CCDC77: variants seen among roughly 807,000 people sequenced by gnomAD.
CCDC77 encodes the protein coiled-coil domain containing 77.
In CCDC77, 56 loss-of-function variants were observed where a neutral mutation model predicts 66.8. That is an observed-to-expected ratio of 0.84 (90% CI 0.68 to 1.05). CCDC77 has a LOEUF of 1.05. Ranked by LOEUF, CCDC77 falls within the 50% of genes least tolerant of loss-of-function variation. CCDC77 has a pLI of 0.00. For synonymous variants in CCDC77, 196 were observed against 195.2 expected (o/e 1.00, Z -0.03); for missense variants, 570 against 576.8 (o/e 0.99, Z 0.12).
chr12:438,773 T>C (rs1945803046), intron 10 of CCDC77, among the ~76,000 whole-genome samples: 1 of 152,092 alleles, frequency 6.6e-6, no homozygotes, highest in East Asian at 1.9e-4. Context: ...TCAACAAATA[T>C]TTATTGTACT....
At chr12:428,435 C>CAG (rs1555146143) in intron 5 of CCDC77, among the ~76,000 whole-genome samples, 2 of 148,210 alleles carry the variant, frequency 1.3e-5, no homozygotes, top group Non-Finnish European at 3.0e-5. Flanking sequence ...GGCGTGAACC[C>CAG]GGCAGGCGGA....
At chr12:417,956 A>G (rs1175298750) in intron 4 of CCDC77, among the ~76,000 whole-genome samples, 1 of 152,054 alleles carries the variant, frequency 6.6e-6, no homozygotes, top group Non-Finnish European at 1.5e-5. Context: ...TGGATTCTAT[A>G]GTCTGTAAAA....
intron 1 of CCDC77, among the ~76,000 whole-genome samples, chr12:396,000 G>C (rs1944824226): frequency 6.6e-6 from 1 of 152,180 alleles, no homozygotes; most frequent in African/African-American, 2.4e-5. Context: ...AGGATTGCTT[G>C]AGCCCAGGGG....
At chr12:418,414 G>A (rs549313028) in intron 4 of CCDC77, 80 bp from the exon 5 acceptor site, 2 of 1,376,444 alleles carry the variant, frequency 1.5e-6, no homozygotes, top group Non-Finnish European at 1.0e-6. Context: ...TTCTACATGA[G>A]TAGACTCCTC....
At chr12:392,931 G>A (rs1414642502) in intron 1 of CCDC77, among the ~76,000 whole-genome samples, 1 of 151,556 alleles carries the variant, frequency 6.6e-6, no homozygotes, top group African/African-American at 2.4e-5. Context: ...AAAATCTGGT[G>A]AGAAGAGTGG....
chr12:415,136 A>G (rs1945200405), intron 4 of CCDC77, among the ~76,000 whole-genome samples: 1 of 152,016 alleles, frequency 6.6e-6, no homozygotes, highest in Non-Finnish European at 1.5e-5. Context: ...ACTGGGACAC[A>G]GTGTGAGCCA....
intron 8 of CCDC77, 29 bp downstream of exon 8, chr12:431,983 T>A: frequency 6.9e-7 from 1 of 1,441,306 alleles, no homozygotes. Flanking sequence ...CAGACCAAGA[T>A]GGCTTTTATC....
rs1945841224 is a variant in CCDC77, at chr12:440,663, A to T, written c.1088A>T (p.Tyr363Phe). 3 of 1,614,206 alleles carry T rather than the reference A, an allele frequency of 1.9e-6. No homozygotes were observed. The highest frequency in any genetic ancestry group is 2.5e-6 in the Non-Finnish European group (3 of 1,180,028). Residue 363 changes from tyrosine (Y) to phenylalanine (F), a missense_variant, in exon 11 of 13, where the codon TAC becomes TTC. Physicochemically the swap from Tyr to Phe is conservative, Grantham distance 22. Coordinates refer to ENST00000239830, the MANE Select transcript of CCDC77 (RefSeq NM_032358.4). ...LVQEKKLSNM[Y>F]QEQCISLEEE... ...CAAGAGAAAAAGCTGTCCAATATGT[A>T]CCAAGAGCAGTGCATTTCCTTAGAA... is the stretch of plus-strand genomic sequence containing the variant.
At chr12:429,593 G>A (rs1347906527) in intron 6 of CCDC77, among the ~76,000 whole-genome samples, 1 of 151,712 alleles carries the variant, frequency 6.6e-6, no homozygotes, top group Admixed American at 6.6e-5. Flanking sequence ...CAAGCAGCTG[G>A]GACTACAGGT....
At chr12:415,740 C>T (rs1040955497) in intron 4 of CCDC77, among the ~76,000 whole-genome samples, 29 of 151,920 alleles carry the variant, frequency 1.9e-4, no homozygotes, top group Non-Finnish European at 2.9e-5. Context: ...TCAAGCAATC[C>T]GCCTGCCTCA....
chr12:411,706 T>G, intron 3 of CCDC77, 41 bp from the exon 4 acceptor site: 4 of 1,510,380 alleles, frequency 2.6e-6, no homozygotes, highest in Non-Finnish European at 3.6e-6. Context: ...TCATAAACTT[T>G]CGCAGAGTGT....
chr12:410,629 C>T (rs2137547257), intron 3 of CCDC77, among the ~76,000 whole-genome samples: 1 of 146,302 alleles, frequency 6.8e-6, no homozygotes, highest in South Asian at 2.2e-4. Context: ...GGCACTTGAA[C>T]CTGCCTCCTG....
chr12:404,189 GCCTGTAAT>G (rs1944950795), intron 1 of CCDC77, among the ~76,000 whole-genome samples: 1 of 152,220 alleles, frequency 6.6e-6, no homozygotes, highest in East Asian at 1.9e-4. Context: ...AGTGGCAGGT[GCCTGTAAT>G]CCCAGCCACT....
At chr12:404,641 T>C (rs1426586366) in intron 1 of CCDC77, among the ~76,000 whole-genome samples, 1 of 151,836 alleles carries the variant, frequency 6.6e-6, no homozygotes, top group East Asian at 1.9e-4. Flanking sequence ...TTCGTAGACA[T>C]GTGCAACAGT....
At chr12:409,473 C>T (rs766291102) in intron 3 of CCDC77, 52 bp downstream of exon 3, 9 of 1,494,432 alleles carry the variant, frequency 6.0e-6, no homozygotes, top group African/African-American at 2.8e-5. Context: ...CTTGTATAGC[C>T]TTAGTCTAAG....
chr12:431,063 CTCCAAA>C (rs1945639928), intron 7 of CCDC77, among the ~76,000 whole-genome samples: 1 of 81,352 alleles, frequency 1.2e-5, no homozygotes, highest in Non-Finnish European at 2.6e-5. Context: ...GCAAGACTAT[CTCCAAA>C]AAAAAAAAAA....
intron 5 of CCDC77, among the ~76,000 whole-genome samples, chr12:425,740 G>A (rs140381479): frequency 1.4e-3 from 210 of 152,232 alleles, no homozygotes; most frequent in Middle Eastern, 3.4e-3. Context: ...CCGAGCACAC[G>A]TATCTTACCA....
intron 1 of CCDC77, among the ~76,000 whole-genome samples, chr12:395,521 C>T (rs1047704054): frequency 2.0e-5 from 3 of 151,804 alleles, no homozygotes; most frequent in Admixed American, 1.3e-4. Flanking sequence ...TCCGTATCTA[C>T]GAACCCAACC....
intron 4 of CCDC77, among the ~76,000 whole-genome samples, chr12:415,366 AATATAATCAACATAATATTATG>A (rs1945215862): frequency 2.3e-5 from 3 of 130,314 alleles, no homozygotes; most frequent in African/African-American, 9.3e-5. Context: ...ATATTATGTT[AATATAATCAACATAATATTATG>A]TTAATATAAT....
Sources: allele counts gnomAD v4.1 joint callset (sites outside exome capture counted in the v4.1 genomes callset), GRCh38; gene constraint gnomAD v4.1.1; transcripts MANE v1.5; gene names NCBI Gene and HGNC (gene_info 2026-07-23, HGNC 2026-07-21).